Variants in TPBGL observed in about 807,000 individuals in gnomAD.
The protein encoded by TPBGL is trophoblast glycoprotein like.
For missense variants in TPBGL, 685 were observed against 609.4 expected, an observed-to-expected ratio of 1.12 and a Z score of -1.31; for synonymous variants, 380 against 314.8, an observed-to-expected ratio of 1.21 and a Z score of -2.19.
chr11:75,240,949 C>G lies in TPBGL; in HGVS notation c.-101C>G. On this transcript the variant is annotated 5_prime_UTR_variant, in exon 1 of 1. Transcript: ENST00000562197. ...GAACGGACCGACCGGGACTGCCAGC[C>G]GCTCCGGGTCAAGGACTCGCCCCAC... 1 of 883,388 alleles carries G rather than the reference C, an allele frequency of 1.1e-6. No individual in the cohort carries two copies. 54.7% of individuals were successfully genotyped at this position (883,388 alleles called of 1,614,324 possible).
Position 75,241,596 on chromosome 11 carries a change from G to A in TPBGL, c.547G>A (p.Ala183Thr). ...TCGCCTGCTGGGCCTAGCGGGCAAC[G>A]CGCTGAGCCGTCTGCCGCCAGCCGC... ...ELRLLGLAGN[A>T]LSRLPPAALR... The change falls in exon 1 of 1, where the codon GCG becomes ACG. Residue 183 changes from alanine to threonine, a missense_variant. Ala to Thr is a moderately conservative substitution (Grantham distance 58). Coordinates refer to ENST00000562197, the MANE Select transcript of TPBGL (RefSeq NM_001195528.2). The A allele has an allele frequency of 7.6e-7, 1 of 1,317,756 alleles. No individual in the cohort carries two copies. Among genetic ancestry groups the A allele is most frequent in the Non-Finnish European group, 9.8e-7 (1 of 1,025,400 alleles). The allele number at this position is 1,317,756 out of a possible 1,614,324, so 81.6% of individuals were successfully genotyped here.
chr11:75,241,624 TGCGCCTGGC>T lies in TPBGL; in HGVS notation c.584_592del (p.Ala195_Leu197del), dbSNP rs1257949886. ...CTGAGCCGTCTGCCGCCAGCCGCCC[TGCGCCTGGC>T]GCGCCTGGAGCAGCTGGACGTGCGC... On this transcript the variant is annotated inframe_deletion, in exon 1 of 1. Transcript: ENST00000562197. 1.5e-6 allele frequency: 2 copies of T among 1,314,710 alleles called. No homozygotes were observed. Among genetic ancestry groups the T allele is most frequent in the South Asian group, 1.6e-5 (1 of 62,866 alleles). The allele number at this position is 1,314,710 out of a possible 1,614,324, so 81.4% of individuals were successfully genotyped here.
At position 75,241,467 on chromosome 11, in the gene TPBGL, G is replaced by T. The variant is rs958279300; in HGVS notation, c.418G>T (p.Gly140Trp). 3 of 1,260,986 alleles carry T rather than the reference G, an allele frequency of 2.4e-6. No individual in the cohort carries two copies. Among genetic ancestry groups the T allele is most frequent in the Non-Finnish European group, 3.0e-6 (3 of 1,004,878 alleles). The allele number at this position is 1,260,986 out of a possible 1,614,324, so 78.1% of individuals were successfully genotyped here. Residue 140 changes from glycine to tryptophan, a missense_variant, in exon 1 of 1, where the codon GGG (glycine) becomes TGG (tryptophan). Transcript: ENST00000562197. ...LRALGGGAFR[G>W]LPALRSLQLN... ...CGCCCTGGGCGGCGGCGCCTTCCGCGGGCTGCCCGCGCTGCGCTCGCTGCA... is the reference window on the plus strand; with the variant it reads ...CGCCCTGGGCGGCGGCGCCTTCCGCTGGCTGCCCGCGCTGCGCTCGCTGCA...
Position 75,242,441 on chromosome 11 carries a change from G to C in TPBGL, c.*243G>C, listed in dbSNP as rs1945609191. 3.8e-6 allele frequency: 1 copy of C among 260,076 alleles called. No individual in the cohort carries two copies. 16.1% of individuals were successfully genotyped at this position (260,076 alleles called of 1,614,324 possible). On this transcript the variant is annotated 3_prime_UTR_variant, in exon 1 of 1. Transcript: ENST00000562197. ...CTGAACCACTGAAAGTCCGTTCCCC[G>C]TCTCGGAGCTCACACAGAGAATCTG...
In TPBGL at chr11:75,241,536, G is replaced by A. The variant is rs1452677759; in HGVS notation, c.487G>A (p.Ala163Thr). ...GCGCGGCGGCCCCGCGCTGCTGGCC[G>A]CGCTGGACGCTGCGCTGGCACCGCT... is the stretch of plus-strand genomic sequence containing the variant. ...LVRGGPALLA[A>T]LDAALAPLAE... Residue 163 changes from alanine (A) to threonine (T), a missense_variant, in exon 1 of 1, where the codon GCG (alanine) becomes ACG (threonine). Coordinates refer to ENST00000562197, the MANE Select transcript of TPBGL (RefSeq NM_001195528.2). 2 of 1,246,388 alleles carry A rather than the reference G, an allele frequency of 1.6e-6. No individual in the cohort carries two copies. The highest frequency in any genetic ancestry group is 1.6e-5 in the African/African-American group (1 of 62,652). 77.2% of individuals were successfully genotyped at this position (1,246,388 alleles called of 1,614,324 possible). A position where few individuals can be genotyped will look rare whatever the true frequency, so the allele number is the denominator to read the frequency against.
In TPBGL at chr11:75,242,489, G is replaced by C. The variant is rs1474559073; in HGVS notation, c.*291G>C. The C allele has an allele frequency of 3.4e-5, 6 of 177,106 alleles. No individual in the cohort carries two copies. Among genetic ancestry groups the C allele is most frequent in the African/African-American group, 1.4e-4 (6 of 41,940 alleles). The allele number at this position is 177,106 out of a possible 1,614,324, so 11.0% of individuals were successfully genotyped here. On this transcript the variant is annotated 3_prime_UTR_variant, in exon 1 of 1. Coordinates refer to ENST00000562197, the MANE Select transcript of TPBGL (RefSeq NM_001195528.2). ...CTGTCCTTCAAGGCCAAAGCTCTGA[G>C]ACTTGCCCCCAGCACCCTGTGCTTG...
chr11:75,242,160 G>GCGGGCTCCCGCGCCACCTCCC lies in TPBGL; in HGVS notation c.1119_1139dup (p.Arg374_Ser380dup), dbSNP rs1945606852. On this transcript the variant is annotated inframe_insertion, in exon 1 of 1. Transcript: ENST00000562197. ...CCGCGCGCCCGCGCCCGCCGCGCCCGCGGGCTCCCGCGCCACCTCCCCGGG... is the reference window on the plus strand; with the variant it reads ...CCGCGCGCCCGCGCCCGCCGCGCCCGCGGGCTCCCGCGCCACCTCCCCGGGCTCCCGCGCCACCTCCCCGGG... 1 of 1,188,288 alleles carries GCGGGCTCCCGCGCCACCTCCC rather than the reference G, an allele frequency of 8.4e-7. No individual in the cohort carries two copies. The highest frequency in any genetic ancestry group is 4.6e-5 in the Admixed American group (1 of 21,698). The allele number at this position is 1,188,288 out of a possible 1,614,324, so 73.6% of individuals were successfully genotyped here.
rs1205892828 is a variant in TPBGL, at chr11:75,241,915, G to A, written c.866G>A (p.Gly289Asp). 2 of 1,480,110 alleles carry A rather than the reference G, an allele frequency of 1.4e-6. No homozygotes were observed. The highest frequency in any genetic ancestry group is 2.9e-5 in the East Asian group (1 of 35,076). 91.7% of individuals were successfully genotyped at this position (1,480,110 alleles called of 1,614,324 possible). A position where few individuals can be genotyped will look rare whatever the true frequency, so the allele number is the denominator to read the frequency against. ...DGARLRCADS[G>D]ADARGEEAEA... ...GCGCGGCTTCGCTGCGCGGACAGCG[G>A]CGCCGACGCTCGCGGAGAGGAGGCG... The change falls in exon 1 of 1, where the codon GGC (glycine) becomes GAC (aspartate). Residue 289 changes from glycine (G) to aspartate (D), a missense_variant. By Grantham distance (94) the Gly-to-Asp change is moderately conservative. Transcript: ENST00000562197.
At position 75,242,163 on chromosome 11, in the gene TPBGL, G is replaced by GGCTCCCGCGC; in HGVS notation, c.1115_1124dup (p.Thr376LeufsTer42). 8.4e-7 allele frequency: 1 copy of GGCTCCCGCGC among 1,188,650 alleles called. No individual in the cohort carries two copies. Among genetic ancestry groups the GGCTCCCGCGC allele is most frequent in the Non-Finnish European group, 1.0e-6 (1 of 963,844 alleles). The allele number at this position is 1,188,650 out of a possible 1,614,324, so 73.6% of individuals were successfully genotyped here. ...CGCGCCCGCGCCCGCCGCGCCCGCG[G>GGCTCCCGCGC]GCTCCCGCGCCACCTCCCCGGGCTC... On this transcript the variant is annotated frameshift_variant, in exon 1 of 1. Transcript: ENST00000562197. LOFTEE classifies it high-confidence loss of function.
rs546520898 is a variant in TPBGL, at chr11:75,241,718, C to T, written c.669C>T (p.Gly223=). The T allele has an allele frequency of 1.9e-4, 242 of 1,263,594 alleles. No individual in the cohort carries two copies. The South Asian group carries it at 4.7e-3, about 24-fold the overall frequency. 78.3% of individuals were successfully genotyped at this position (1,263,594 alleles called of 1,614,324 possible). The change falls in exon 1 of 1, where the codon GGC becomes GGT. Residue 223 remains glycine, a synonymous_variant. Transcript: ENST00000562197. The part of the protein sequence containing the change: ...DELRALERDG[G]LPGPRLLLAD... ...TGCGCGCGCTGGAGCGCGATGGCGG[C>T]CTCCCCGGGCCGCGCCTGCTGCTCG...
rs1163706855 is a variant in TPBGL at position 75,241,448 on chromosome 11, G to C, written c.399G>C (p.Leu133=). Residue 133 remains leucine (L), a synonymous_variant, in exon 1 of 1, where the codon CTG becomes CTC. Transcript: ENST00000562197. ...TCAGCCACAACCCGCTGCGCGCCCTGGGCGGCGGCGCCTTCCGCGGGCTGC... is the reference window on the plus strand; with the variant it reads ...TCAGCCACAACCCGCTGCGCGCCCTCGGCGGCGGCGCCTTCCGCGGGCTGC... The part of the protein sequence containing the change: ...LDLSHNPLRA[L]GGGAFRGLPA... The C allele has an allele frequency of 3.9e-6, 5 of 1,278,882 alleles. No homozygotes were observed. Among genetic ancestry groups the C allele is most frequent in the Non-Finnish European group, 4.9e-6 (5 of 1,015,210 alleles). The allele number at this position is 1,278,882 out of a possible 1,614,324, so 79.2% of individuals were successfully genotyped here. A position where few individuals can be genotyped will look rare whatever the true frequency, so the allele number is the denominator to read the frequency against.
In TPBGL at chr11:75,241,931, A is replaced by G; in HGVS notation, c.882A>G (p.Gly294=). The change falls in exon 1 of 1, where the codon GGA becomes GGG. Residue 294 remains glycine (G), a synonymous_variant. Coordinates refer to ENST00000562197, the MANE Select transcript of TPBGL (RefSeq NM_001195528.2). ...CGGACAGCGGCGCCGACGCTCGCGG[A>G]GAGGAGGCGGAGGCCGCCGGCCCGG... ...RCADSGADAR[G]EEAEAAGPEL... is the part of the protein sequence containing the mutation. 1 of 1,482,484 alleles carries G rather than the reference A, an allele frequency of 6.7e-7. No individual in the cohort carries two copies. The allele number at this position is 1,482,484 out of a possible 1,614,324, so 91.8% of individuals were successfully genotyped here. A position where few individuals can be genotyped will look rare whatever the true frequency, so the allele number is the denominator to read the frequency against.
chr11:75,241,232 C>G lies in TPBGL; in HGVS notation c.183C>G (p.Arg61=). 7.0e-7 allele frequency: 1 copy of G among 1,437,408 alleles called. No homozygotes were observed. The highest frequency in any genetic ancestry group is 9.1e-7 in the Non-Finnish European group (1 of 1,097,524). The allele number at this position is 1,437,408 out of a possible 1,614,324, so 89.0% of individuals were successfully genotyped here. A position where few individuals can be genotyped will look rare whatever the true frequency, so the allele number is the denominator to read the frequency against. ...CGCGGGACGTGCCGCCCGACGCGCG[C>G]AACCTCACCATCGTAGGCGCCAACC... The part of the protein sequence containing the change: ...QPPRDVPPDA[R]NLTIVGANLT... The change falls in exon 1 of 1, where the codon CGC becomes CGG. Residue 61 remains arginine, a synonymous_variant. Coordinates refer to ENST00000562197, the MANE Select transcript of TPBGL (RefSeq NM_001195528.2).
At position 75,241,012 on chromosome 11, in the gene TPBGL, G is replaced by A; in HGVS notation, c.-38G>A. On this transcript the variant is annotated 5_prime_UTR_variant, in exon 1 of 1. Coordinates refer to ENST00000562197, the MANE Select transcript of TPBGL (RefSeq NM_001195528.2). Reference sequence around the variant, plus strand: ...CCAGGCGCTCCCAACTCACTGGTGAGCGCGGCGGCCCGGGCGCTGGATGCG... The same window carrying A: ...CCAGGCGCTCCCAACTCACTGGTGAACGCGGCGGCCCGGGCGCTGGATGCG... The A allele has an allele frequency of 1.7e-6, 2 of 1,203,498 alleles. No individual in the cohort carries two copies. The highest frequency in any genetic ancestry group is 7.9e-5 in the South Asian group (2 of 25,442). 74.6% of individuals were successfully genotyped at this position (1,203,498 alleles called of 1,614,324 possible).
Position 75,241,867 on chromosome 11 carries a change from G to C in TPBGL, c.818G>C (p.Arg273Pro). Residue 273 changes from arginine to proline, a missense_variant, in exon 1 of 1, where the codon CGG becomes CCG. Coordinates refer to ENST00000562197, the MANE Select transcript of TPBGL (RefSeq NM_001195528.2). ...RCAAPRALLD[R>P]PLLDLDGARL... is the part of the protein sequence containing the mutation. ...GCCGCCCCGCGGGCGCTGCTAGACC[G>C]GCCGCTACTGGACCTGGACGGGGCG... The C allele has an allele frequency of 3.6e-6, 5 of 1,399,930 alleles. No individual in the cohort carries two copies. The South Asian group carries it at 5.8e-5, about 16-fold the overall frequency. 86.7% of individuals were successfully genotyped at this position (1,399,930 alleles called of 1,614,324 possible). A position where few individuals can be genotyped will look rare whatever the true frequency, so the allele number is the denominator to read the frequency against.
rs890394501 is a variant in TPBGL at position 75,241,617 on chromosome 11, G to T, written c.568G>T (p.Ala190Ser). 4.6e-6 allele frequency: 6 copies of T among 1,311,764 alleles called. No homozygotes were observed. In the Admixed American group the frequency reaches 2.0e-4, roughly 44 times the overall value. The allele number at this position is 1,311,764 out of a possible 1,614,324, so 81.3% of individuals were successfully genotyped here. ...CAACGCGCTGAGCCGTCTGCCGCCA[G>T]CCGCCCTGCGCCTGGCGCGCCTGGA... ...AGNALSRLPP[A>S]ALRLARLEQL... Residue 190 changes from alanine to serine, a missense_variant, in exon 1 of 1, where the codon GCC becomes TCC. Transcript: ENST00000562197.
Position 75,241,783 on chromosome 11 carries a change from T to G in TPBGL, c.734T>G (p.Leu245Arg). Residue 245 changes from leucine (L) to arginine (R), a missense_variant, in exon 1 of 1, where the codon CTG becomes CGG. Coordinates refer to ENST00000562197, the MANE Select transcript of TPBGL (RefSeq NM_001195528.2). ...PLRCGCAARP[L>R]LAWLRNATER... is the part of the protein sequence containing the mutation. Reference sequence around the variant, plus strand: ...CGCTGCGGCTGTGCCGCACGCCCCCTGCTGGCCTGGCTGCGCAACGCCACG... The same window carrying G: ...CGCTGCGGCTGTGCCGCACGCCCCCGGCTGGCCTGGCTGCGCAACGCCACG... 7.6e-7 allele frequency: 1 copy of G among 1,315,972 alleles called. No homozygotes were observed. Among genetic ancestry groups the G allele is most frequent in the Non-Finnish European group, 9.7e-7 (1 of 1,031,346 alleles). 81.5% of individuals were successfully genotyped at this position (1,315,972 alleles called of 1,614,324 possible).
Position 75,242,275 on chromosome 11 carries a change from T to C in TPBGL, c.*77T>C, listed in dbSNP as rs1481646313. ...TGAGACACCCGCGAGCCCCGAGCTCTGAGACCTTCCCCTGACTCGGAGGCG... is the reference window on the plus strand; with the variant it reads ...TGAGACACCCGCGAGCCCCGAGCTCCGAGACCTTCCCCTGACTCGGAGGCG... On this transcript the variant is annotated 3_prime_UTR_variant, in exon 1 of 1. Transcript: ENST00000562197. 2.3e-5 allele frequency: 24 copies of C among 1,064,710 alleles called. No homozygotes were observed. The highest frequency in any genetic ancestry group is 2.7e-5 in the Non-Finnish European group (24 of 882,572). The allele number at this position is 1,064,710 out of a possible 1,614,324, so 66.0% of individuals were successfully genotyped here. A position where few individuals can be genotyped will look rare whatever the true frequency, so the allele number is the denominator to read the frequency against.
chr11:75,241,521 C>T lies in TPBGL; in HGVS notation c.472C>T (p.Pro158Ser). 3 of 1,216,662 alleles carry T rather than the reference C, an allele frequency of 2.5e-6. No individual in the cohort carries two copies. Among genetic ancestry groups the T allele is most frequent in the Non-Finnish European group, 3.1e-6 (3 of 979,558 alleles). 75.4% of individuals were successfully genotyped at this position (1,216,662 alleles called of 1,614,324 possible). A position where few individuals can be genotyped will look rare whatever the true frequency, so the allele number is the denominator to read the frequency against. Residue 158 changes from proline to serine, a missense_variant, in exon 1 of 1, where the codon CCC becomes TCC. Physicochemically the swap from Pro to Ser is moderately conservative, Grantham distance 74. Coordinates refer to ENST00000562197, the MANE Select transcript of TPBGL (RefSeq NM_001195528.2). ...CAACCACGCGCTGGTGCGCGGCGGC[C>T]CCGCGCTGCTGGCCGCGCTGGACGC... ...QLNHALVRGG[P>S]ALLAALDAAL... is the part of the protein sequence containing the mutation.
Sources: gnomAD v4.1 joint callset for allele counts on GRCh38, gnomAD v4.1.1 for gene constraint, MANE v1.5 for transcripts, NCBI Gene and HGNC (gene_info 2026-07-23, HGNC 2026-07-21) for gene names.